Variants in ABLIM1 observed in about 807,000 individuals in gnomAD.
The protein encoded by ABLIM1 is actin-binding LIM protein 1.
In ABLIM1, 40 loss-of-function variants were observed where a neutral mutation model predicts 107.0. That is an observed-to-expected ratio of 0.37 (90% CI 0.29 to 0.49). The LOEUF is 0.49. Ranked by LOEUF, ABLIM1 falls within the 20% of genes least tolerant of loss-of-function variation. The pLI is 0.97. For missense variants in ABLIM1, 857 were observed against 1,008.5 expected, an observed-to-expected ratio of 0.85 and a Z score of 2.04; for synonymous variants, 357 against 357.3, an observed-to-expected ratio of 1.00 and a Z score of 0.01.
intron 6 of ABLIM1, among the ~76,000 whole-genome samples, chr10:114,496,854 G>C (rs1364407217): frequency 6.6e-6 from 1 of 152,086 alleles, no homozygotes; most frequent in African/African-American, 2.4e-5. Context: ...AGAGGCTCCA[G>C]GGTCAGATGC....
chr10:114,541,238 A>C (rs2066621432), intron 6 of ABLIM1, among the ~76,000 whole-genome samples: 1 of 151,748 alleles, frequency 6.6e-6, no homozygotes, highest in South Asian at 2.1e-4. Context: ...TCTAACCTCA[A>C]GAACTGACAG....
chr10:114,451,762 A>G (rs1589811856), intron 13 of ABLIM1, 91 bp from the exon 14 acceptor site: 1 of 1,131,978 alleles, frequency 8.8e-7, no homozygotes, highest in East Asian at 2.4e-5. Flanking sequence ...CAAACTGAAG[A>G]TCTTGAACAA....
At chr10:114,578,480 C>T (rs2072918256) in intron 2 of ABLIM1, among the ~76,000 whole-genome samples, 1 of 150,500 alleles carries the variant, frequency 6.6e-6, no homozygotes, top group South Asian at 2.1e-4. Flanking sequence ...GAATTCGGCT[C>T]ACTACAACCT....
chr10:114,536,406 C>G lies in ABLIM1; in HGVS notation c.894+8599G>C, dbSNP rs559901617. Among the ~76,000 whole-genome samples, 460 of 151,572 alleles carry G rather than the reference C, an allele frequency of 3.0e-3. 10 individuals are homozygous for G. Among genetic ancestry groups the G allele is most frequent in the Non-Finnish European group, 1.4e-3 (97 of 67,856 alleles). ...GGGATTACAGGTAACTGCCACCACG[C>G]CCAGCTAATTTTTGTATTTTTAGTA... On this transcript the variant is annotated intron_variant, in intron 6 of 22. Transcript: ENST00000533213.
At chr10:114,684,469 C>T in exon 1 of ABLIM1, 4 of 1,492,544 alleles carry the variant, frequency 2.7e-6, no homozygotes, top group South Asian at 2.7e-5. Flanking sequence ...AGTCTGTGGG[C>T]TGAACTGGAC....
intron 1 of ABLIM1, among the ~76,000 whole-genome samples, chr10:114,691,543 C>G (rs992800639): frequency 6.6e-6 from 1 of 152,124 alleles, no homozygotes; most frequent in East Asian, 1.9e-4. Context: ...AAACAACAGG[C>G]ATTTCTCTTT....
upstream of ABLIM1, among the ~76,000 whole-genome samples, chr10:114,659,359 A>T (rs866150132): frequency 1.3e-4 from 19 of 151,808 alleles, no homozygotes; most frequent in South Asian, 1.0e-3. Context: ...AAAAAAAAAA[A>T]TTAAAACATT....
At chr10:114,717,178 T>C (rs73373722) in intron 1 of ABLIM1, among the ~76,000 whole-genome samples, 2,620 of 152,286 alleles carry the variant, frequency 0.017, 70 homozygotes, top group African/African-American at 0.06. Context: ...CATTATCATT[T>C]TTTAGGAGCA....
rs756269489 is a variant in ABLIM1, at chr10:114,453,490, TG to T, written c.1442-8del. On this transcript the variant is annotated splice_polypyrimidine_tract_variant and splice_region_variant and intron_variant, in intron 12 of 22. Coordinates refer to ENST00000533213, the MANE Select transcript of ABLIM1 (RefSeq NM_002313.7). ...CCGCTGGACGGCTCATTGCCTCCAA[TG>T]AGAAGAATGGAAAAAACAAAATGAG... 1 of 1,532,212 alleles carries T rather than the reference TG, an allele frequency of 6.5e-7. No individual in the cohort carries two copies. The highest frequency in any genetic ancestry group is 2.4e-5 in the East Asian group (1 of 42,072). The allele number at this position is 1,532,212 out of a possible 1,614,324, so 94.9% of individuals were successfully genotyped here.
chr10:114,767,257 G>A (rs1458245841), intron 1 of ABLIM1, among the ~76,000 whole-genome samples: 3 of 152,158 alleles, frequency 2.0e-5, no homozygotes, highest in Non-Finnish European at 4.4e-5. Context: ...CAAAAGGGGT[G>A]GCACTTACTG....
intron 8 of ABLIM1, among the ~76,000 whole-genome samples, chr10:114,479,024 A>C (rs2056926581): frequency 6.6e-6 from 1 of 152,218 alleles, no homozygotes; most frequent in East Asian, 1.9e-4. Context: ...GCCAAATAAC[A>C]GTTCAAACCT....
intron 4 of ABLIM1, among the ~76,000 whole-genome samples, chr10:114,569,520 A>G (rs2071336070): frequency 6.6e-6 from 1 of 152,014 alleles, no homozygotes; most frequent in Non-Finnish European, 1.5e-5. Context: ...GGGTTTCAAC[A>G]TGTTGGACAG....
chr10:114,480,282 T>C (rs1267272948), intron 8 of ABLIM1, among the ~76,000 whole-genome samples: 2 of 152,242 alleles, frequency 1.3e-5, no homozygotes, highest in Non-Finnish European at 2.9e-5. Context: ...AGAAGCCTTG[T>C]TTCTGGAATT....
At position 114,619,717 on chromosome 10, in the gene ABLIM1, A is replaced by T. The variant is rs926026434; in HGVS notation, c.245-17756T>A. ...ACACAAAGAGGAGAGGCAGACTCAT[A>T]GGGAAAAGTGATCCCAACTGAAAAA... On this transcript the variant is annotated intron_variant, in intron 1 of 22. Coordinates refer to ENST00000533213, the MANE Select transcript of ABLIM1 (RefSeq NM_002313.7). This position sits in a 1 kb window ranked among gnomAD's most constrained non-coding sequence, Gnocchi z 4.1. Among the ~76,000 whole-genome samples the T allele has an allele frequency of 1.3e-5, 2 of 152,220 alleles. No individual in the cohort carries two copies. Among genetic ancestry groups the T allele is most frequent in the Non-Finnish European group, 2.9e-5 (2 of 68,034 alleles).
chr10:114,477,820 G>T (rs1423124985), intron 8 of ABLIM1, among the ~76,000 whole-genome samples: 1 of 152,110 alleles, frequency 6.6e-6, no homozygotes, highest in Non-Finnish European at 1.5e-5. Flanking sequence ...TGCCTCCCAG[G>T]TTCAAGCGAT....
chr10:114,484,735 C>T (rs1451008016), intron 8 of ABLIM1, among the ~76,000 whole-genome samples: 1 of 152,118 alleles, frequency 6.6e-6, no homozygotes, highest in Non-Finnish European at 1.5e-5. Flanking sequence ...CTGCCTTTCC[C>T]GGCTGCACAC....
At chr10:114,759,257 T>A (rs1446758697) in intron 1 of ABLIM1, among the ~76,000 whole-genome samples, 1 of 152,224 alleles carries the variant, frequency 6.6e-6, no homozygotes, top group Non-Finnish European at 1.5e-5. Flanking sequence ...TCATACAATA[T>A]GCTGGAAAAG....
At chr10:114,609,762 C>T (rs2076681482) in intron 1 of ABLIM1, among the ~76,000 whole-genome samples, 1 of 152,190 alleles carries the variant, frequency 6.6e-6, no homozygotes, top group East Asian at 1.9e-4. Context: ...CAGAACACTA[C>T]TATATTATTA....
intron 6 of ABLIM1, among the ~76,000 whole-genome samples, chr10:114,544,454 C>G (rs2067067065): frequency 6.6e-6 from 1 of 152,210 alleles, no homozygotes; most frequent in Non-Finnish European, 1.5e-5. Flanking sequence ...AGCTCCCTAG[C>G]TGGAGGCGGT....
Sources: allele counts gnomAD v4.1 joint callset (sites outside exome capture counted in the v4.1 genomes callset), GRCh38; gene constraint gnomAD v4.1.1; non-coding constraint Gnocchi (gnomAD v3.1); transcripts MANE v1.5; gene names NCBI Gene and HGNC (gene_info 2026-07-23, HGNC 2026-07-21).